SH3GL2: variants seen among roughly 807,000 people sequenced by gnomAD.
The protein encoded by SH3GL2 is endophilin-A1.
SH3GL2 carries 24 observed loss-of-function variants against 46.0 expected under a neutral mutation model. That is an observed-to-expected ratio of 0.52 (90% CI 0.38 to 0.73). The LOEUF (loss-of-function observed/expected upper bound fraction) is 0.73. Among genes scored for constraint, SH3GL2 ranks in the 30% least tolerant of loss-of-function variants. The pLI, the probability that SH3GL2 is intolerant of heterozygous loss-of-function variation, is 0.00. For missense variants in SH3GL2, 413 were observed against 424.2 expected (o/e 0.97, Z 0.23); for synonymous variants, 196 against 147.1 (o/e 1.33, Z -2.40).
rs189837330 is a variant in SH3GL2, at chr9:17,666,917, A to G, written c.46-80149A>G. Among the ~76,000 whole-genome samples the G allele has an allele frequency of 3.3e-5, 5 of 152,252 alleles. No homozygotes were observed. The East Asian group carries it at 9.6e-4, about 29-fold the overall frequency. ...TATTTCTCCACAGTTTTGTCAACAGAATGTGTTGTCAAATGTTTTAATTTT... is the reference window on the plus strand; with the variant it reads ...TATTTCTCCACAGTTTTGTCAACAGGATGTGTTGTCAAATGTTTTAATTTT... On this transcript the variant is annotated intron_variant, in intron 1 of 8. Transcript: ENST00000380607.
At chr9:17,646,043 C>G (rs1819808335) in intron 1 of SH3GL2, among the ~76,000 whole-genome samples, 2 of 151,990 alleles carry the variant, frequency 1.3e-5, no homozygotes, top group South Asian at 4.2e-4. Context: ...TCACATAGTC[C>G]CATATTTCTT....
At chr9:17,619,417 C>T (rs2134597835) in intron 1 of SH3GL2, among the ~76,000 whole-genome samples, 1 of 152,338 alleles carries the variant, frequency 6.6e-6, no homozygotes, top group East Asian at 1.9e-4. Flanking sequence ...GTGGCTCACG[C>T]CTGTAATCCC....
chr9:17,667,177 T>C (rs1436300863), intron 1 of SH3GL2, among the ~76,000 whole-genome samples: 3 of 152,204 alleles, frequency 2.0e-5, no homozygotes, highest in African/African-American at 7.2e-5. Context: ...GCAAATACTT[T>C]TTTCTAGCTT....
intron 3 of SH3GL2, among the ~76,000 whole-genome samples, chr9:17,780,135 T>G (rs1823761223): frequency 6.6e-6 from 1 of 152,202 alleles, no homozygotes; most frequent in Admixed American, 6.5e-5. Context: ...ATATCATAAG[T>G]ATATTGCTCA....
chr9:17,684,207 A>G (rs562935738), intron 1 of SH3GL2, among the ~76,000 whole-genome samples: 4 of 152,264 alleles, frequency 2.6e-5, no homozygotes, highest in Non-Finnish European at 2.9e-5. Context: ...GGTAATATGC[A>G]TGTACAGATG....
chr9:17,665,831 G>A (rs534353591), intron 1 of SH3GL2, among the ~76,000 whole-genome samples: 1 of 149,732 alleles, frequency 6.7e-6, no homozygotes, highest in African/African-American at 2.5e-5. Flanking sequence ...TCAAAGTGAG[G>A]GGAAAATACA....
chr9:17,642,799 G>A (rs969085990), intron 1 of SH3GL2, among the ~76,000 whole-genome samples: 5 of 152,116 alleles, frequency 3.3e-5, no homozygotes, highest in East Asian at 1.9e-4. Flanking sequence ...CTCCAGCTTT[G>A]TTGTTTTTGC....
At chr9:17,664,533 G>A (rs945600969) in intron 1 of SH3GL2, among the ~76,000 whole-genome samples, 1 of 151,916 alleles carries the variant, frequency 6.6e-6, no homozygotes, top group Non-Finnish European at 1.5e-5. Context: ...TTTTGAAAAA[G>A]GCAAGTTTTT....
chr9:17,755,810 C>G, intron 2 of SH3GL2: 2 of 982,842 alleles, frequency 2.0e-6, no homozygotes, highest in South Asian at 9.4e-5. Flanking sequence ...TCAGGAAATA[C>G]CAACTTTTCT....
chr9:17,791,080 A>G (rs963408628), intron 6 of SH3GL2, 151 bp from the exon 7 acceptor site: 8 of 616,792 alleles, frequency 1.3e-5, no homozygotes, highest in Non-Finnish European at 1.8e-5. Context: ...CTGCAGAACT[A>G]TCTATCTTAG....
intron 3 of SH3GL2, among the ~76,000 whole-genome samples, chr9:17,769,321 C>T (rs987024745): frequency 6.6e-6 from 1 of 152,160 alleles, no homozygotes; most frequent in Non-Finnish European, 1.5e-5. Context: ...TCTTTTATTG[C>T]ACTTTTCATA....
chr9:17,727,876 C>T (rs375399280), intron 1 of SH3GL2, among the ~76,000 whole-genome samples: 123 of 152,160 alleles, frequency 8.1e-4, no homozygotes, highest in African/African-American at 2.9e-3. Context: ...GGAACCATCA[C>T]CCAGATAATC....
At chr9:17,759,939 A>G (rs1248588228) in intron 2 of SH3GL2, among the ~76,000 whole-genome samples, 1 of 152,168 alleles carries the variant, frequency 6.6e-6, no homozygotes, top group South Asian at 2.1e-4. Flanking sequence ...GTTTCAGCAT[A>G]TTTGTTCCAT....
intron 1 of SH3GL2, among the ~76,000 whole-genome samples, chr9:17,712,491 G>T (rs1391532561): frequency 8.6e-5 from 13 of 151,770 alleles, no homozygotes. Flanking sequence ...GTATATTACT[G>T]AAGGTGTGGA....
intron 1 of SH3GL2, among the ~76,000 whole-genome samples, chr9:17,700,400 A>G (rs946118341): frequency 5.3e-5 from 8 of 152,172 alleles, no homozygotes; most frequent in African/African-American, 1.9e-4. Flanking sequence ...AAAACTTCCT[A>G]AAGCAATACC....
chr9:17,698,573 A>C (rs745720054), intron 1 of SH3GL2, among the ~76,000 whole-genome samples: 3 of 152,200 alleles, frequency 2.0e-5, no homozygotes, highest in Non-Finnish European at 4.4e-5. Context: ...GAAGAGATAA[A>C]ATTCCATGAG....
At chr9:17,679,825 G>A (rs1462650987) in intron 1 of SH3GL2, among the ~76,000 whole-genome samples, 2 of 152,142 alleles carry the variant, frequency 1.3e-5, no homozygotes, top group East Asian at 1.9e-4. Flanking sequence ...TTTATTGAGA[G>A]TTTTTAGCAT....
chr9:17,687,308 T>G (rs571997322), intron 1 of SH3GL2, among the ~76,000 whole-genome samples: 1 of 152,252 alleles, frequency 6.6e-6, no homozygotes, highest in Non-Finnish European at 1.5e-5. Flanking sequence ...AAGTTTGCAG[T>G]TCACTGTGAC....
At chr9:17,628,452 G>GTGTA (rs1249448027) in intron 1 of SH3GL2, among the ~76,000 whole-genome samples, 3 of 140,916 alleles carry the variant, frequency 2.1e-5, no homozygotes, top group Non-Finnish European at 3.1e-5. Context: ...GTGTGTGTGT[G>GTGTA]TATGTGCATG....
Sources: gnomAD v4.1 joint callset for allele counts (sites outside exome capture counted in the v4.1 genomes callset) on GRCh38, gnomAD v4.1.1 for gene constraint, MANE v1.5 for transcripts, NCBI Gene and HGNC (gene_info 2026-07-23, HGNC 2026-07-21) for gene names.